SASH1: variants seen among roughly 807,000 people sequenced by gnomAD.
SASH1 encodes SAM and SH3 domain-containing protein 1.
In SASH1, 44 loss-of-function variants were observed where a neutral mutation model predicts 125.2. That is an observed-to-expected ratio of 0.35 (90% CI 0.28 to 0.45). The LOEUF (loss-of-function observed/expected upper bound fraction) is 0.45. Among genes scored for constraint, SASH1 ranks in the 20% least tolerant of loss-of-function variants. The pLI is 1.00. For synonymous variants in SASH1, 639 were observed against 649.1 expected (o/e 0.98, Z 0.24); for missense variants, 1,426 against 1,614.5 (o/e 0.88, Z 2.00).
chr6:148,357,135 G>C (rs145747297), intron 1 of SASH1, among the ~76,000 whole-genome samples: 1 of 152,182 alleles, frequency 6.6e-6, no homozygotes, highest in African/African-American at 2.4e-5. Context: ...TCTGTGGGTT[G>C]TCTGTTTACT....
chr6:148,543,794 G>A lies in SASH1; in HGVS notation c.2324G>A (p.Gly775Glu), dbSNP rs1782370318. The A allele has an allele frequency of 1.2e-6, 2 of 1,614,090 alleles. No homozygotes were observed. Among genetic ancestry groups the A allele is most frequent in the African/African-American group, 1.3e-5 (1 of 75,024 alleles). Residue 775 changes from glycine to glutamate, a missense_variant, in exon 18 of 20, where the codon GGG becomes GAG. Physicochemically the swap from Gly to Glu is moderately conservative, Grantham distance 98 (BLOSUM62 -2). This residue lies in a region of SASH1 where 634 missense variants were observed against 694.4 expected (regional missense o/e 0.91). Transcript: ENST00000367467. ...NYPTLPLMKS[G>E]DALKQGQEEG... ...CCAACATTGCCTTTAATGAAATCAGGGGATGCACTGAAGCAGGGACAGGAG... is the reference window on the plus strand; with the variant it reads ...CCAACATTGCCTTTAATGAAATCAGAGGATGCACTGAAGCAGGGACAGGAG...
intron 1 of SASH1, among the ~76,000 whole-genome samples, chr6:148,301,183 G>A (rs184688342): frequency 1.3e-4 from 19 of 151,674 alleles, no homozygotes; most frequent in Admixed American, 6.6e-5. Context: ...AAAATTAGCC[G>A]GGAGTGGTGG....
intron 2 of SASH1, among the ~76,000 whole-genome samples, chr6:148,407,192 C>T (rs1353031081): frequency 1.3e-5 from 2 of 152,152 alleles, no homozygotes; most frequent in Non-Finnish European, 2.9e-5. Flanking sequence ...GAGCTCTTTC[C>T]GTCCTGCAAA....
chr6:148,331,465 G>A (rs1423329698), intron 1 of SASH1, among the ~76,000 whole-genome samples: 1 of 152,082 alleles, frequency 6.6e-6, no homozygotes, highest in Non-Finnish European at 1.5e-5. Flanking sequence ...AAGTGGCTGG[G>A]ATTACAGGTT....
intron 2 of SASH1, among the ~76,000 whole-genome samples, chr6:148,427,307 C>T (rs761212278): frequency 2.0e-5 from 3 of 152,044 alleles, no homozygotes; most frequent in Non-Finnish European, 2.9e-5. Flanking sequence ...TATGCCAAGT[C>T]CTGCTAGTAG....
At position 148,409,848 on chromosome 6, in the gene SASH1, C is replaced by T. The variant is rs898459723; in HGVS notation, c.285+19586C>T. ...ACTCGGAAGGCTGAGTCAGGCAAATCGCTTGAACTGGGGAGGCAGAGGCGA... is the reference window on the plus strand; with the variant it reads ...ACTCGGAAGGCTGAGTCAGGCAAATTGCTTGAACTGGGGAGGCAGAGGCGA... On this transcript the variant is annotated intron_variant, in intron 2 of 19. Coordinates refer to ENST00000367467, the MANE Select transcript of SASH1 (RefSeq NM_015278.5). 7.9e-5 allele frequency among the ~76,000 whole-genome samples: 12 copies of T among 151,924 alleles called. No homozygotes were observed. In the South Asian group the frequency reaches 1.5e-3, roughly 18 times the overall value.
intron 1 of SASH1, among the ~76,000 whole-genome samples, chr6:148,381,079 T>A (rs1177474394): frequency 1.3e-5 from 2 of 152,172 alleles, no homozygotes; most frequent in African/African-American, 4.8e-5. Context: ...AGTTTCTTCA[T>A]CATACGTGAA....
chr6:148,487,918 GT>G (rs1383262363), intron 8 of SASH1, among the ~76,000 whole-genome samples: 7,327 of 135,754 alleles, frequency 0.054, 190 homozygotes, highest in African/African-American at 0.086. Flanking sequence ...CTGGGGTTTT[GT>G]TTTTTTTTTT....
rs1782394368 is a variant in SASH1, at chr6:148,544,094, C to T, written c.2624C>T (p.Ser875Phe). The change falls in exon 18 of 20, where the codon TCT (serine) becomes TTT (phenylalanine). Residue 875 changes from serine (S) to phenylalanine (F), a missense_variant. This residue lies in a region of SASH1 where 634 missense variants were observed against 694.4 expected (regional missense o/e 0.91). Transcript: ENST00000367467. This position sits in a 1 kb window ranked among gnomAD's most constrained non-coding sequence, Gnocchi z 6.4. ...VPEVPQKTTA[S>F]STKAQPLEQD... ...GAAGTGCCACAGAAGACGACCGCCTCTTCCACGAAGGCCCAGCCCCTGGAG... is the reference window on the plus strand; with the variant it reads ...GAAGTGCCACAGAAGACGACCGCCTTTTCCACGAAGGCCCAGCCCCTGGAG... 6.2e-7 allele frequency: 1 copy of T among 1,614,118 alleles called. No homozygotes were observed. The highest frequency in any genetic ancestry group is 1.3e-5 in the African/African-American group (1 of 75,036).
chr6:148,324,402 G>A (rs772250017), intron 1 of SASH1, among the ~76,000 whole-genome samples: 3 of 152,102 alleles, frequency 2.0e-5, no homozygotes, highest in Admixed American at 6.5e-5. Context: ...CCACATCTGT[G>A]TTCCCTGCCT....
intron 1 of SASH1, among the ~76,000 whole-genome samples, chr6:148,345,820 T>A (rs6934632): frequency 6.6e-6 from 1 of 152,096 alleles, no homozygotes; most frequent in East Asian, 1.9e-4. Context: ...GACTTGTCCC[T>A]GGTCGCTGGC....
Position 148,533,005 on chromosome 6 carries a change from C to T in SASH1, c.1734+39C>T. 2 of 1,603,092 alleles carry T rather than the reference C, an allele frequency of 1.2e-6. No homozygotes were observed. The highest frequency in any genetic ancestry group is 1.7e-6 in the Non-Finnish European group (2 of 1,171,030). ...TGGCCTCAGAGCAGCTAACTGGGCT[C>T]TTCCATTTCTCTAGGAGGCTTTCTT... is the stretch of plus-strand genomic sequence containing the variant. On this transcript the variant is annotated intron_variant, in intron 14 of 19. Transcript: ENST00000367467. This position sits in a 1 kb window ranked among gnomAD's most constrained non-coding sequence, Gnocchi z 6.2.
chr6:148,358,731 T>TTG (rs1478645746), intron 1 of SASH1, among the ~76,000 whole-genome samples: 1 of 124,792 alleles, frequency 8.0e-6, no homozygotes, highest in Non-Finnish European at 1.7e-5. Flanking sequence ...TGCCATGTTT[T>TTG]TGTTTTTTTT....
At chr6:148,487,992 G>T (rs1051323124) in intron 8 of SASH1, among the ~76,000 whole-genome samples, 1 of 151,378 alleles carries the variant, frequency 6.6e-6, no homozygotes. Flanking sequence ...AAAGTGTTCA[G>T]TGATACTGGT....
intron 2 of SASH1, among the ~76,000 whole-genome samples, chr6:148,403,292 A>G (rs941446544): frequency 3.3e-5 from 5 of 151,848 alleles, no homozygotes; most frequent in Non-Finnish European, 7.4e-5. Context: ...ATTTTAAGAG[A>G]TGGGGTCTCA....
At chr6:148,396,088 C>G (rs1394898372) in intron 2 of SASH1, among the ~76,000 whole-genome samples, 1 of 152,044 alleles carries the variant, frequency 6.6e-6, no homozygotes, top group Non-Finnish European at 1.5e-5. Context: ...TTTGTGAATA[C>G]AAGGAAAAGG....
At position 148,533,918 on chromosome 6, in the gene SASH1, C is replaced by A. The variant is rs1002112949; in HGVS notation, c.1882C>A (p.Arg628=). ...ACCCAAACGCCCCACCAGGAGGCGT[C>A]GGAAAGGACGACCACCCCAGCCCAA... ...EKPKRPTRRR[R]KGRPPQPKSV... Residue 628 remains arginine, a synonymous_variant, in exon 15 of 20, where the codon CGG becomes AGG. Coordinates refer to ENST00000367467, the MANE Select transcript of SASH1 (RefSeq NM_015278.5). The surrounding 1 kb of genome is among the most constrained non-coding windows in gnomAD (Gnocchi z 6.2). 2 of 1,613,998 alleles carry A rather than the reference C, an allele frequency of 1.2e-6. No homozygotes were observed. Among genetic ancestry groups the A allele is most frequent in the South Asian group, 2.2e-5 (2 of 91,060 alleles).
intron 16 of SASH1, among the ~76,000 whole-genome samples, chr6:148,537,824 G>GTGTGTGTGTGTGTT (rs1781951670): frequency 7.4e-6 from 1 of 135,570 alleles, no homozygotes; most frequent in Non-Finnish European, 1.6e-5. Context: ...GTGTGTGTGT[G>GTGTGTGTGTGTGTT]TGTGTGTGGT....
At chr6:148,228,579 G>T in the SASH1 span, among the ~76,000 whole-genome samples, 1 of 152,308 alleles carries the variant, frequency 6.6e-6, no homozygotes, top group Admixed American at 6.5e-5. Flanking sequence ...TTGTCAAATG[G>T]ATTTGGGGAG....
Sources: gnomAD v4.1 joint callset for allele counts (sites outside exome capture counted in the v4.1 genomes callset) on GRCh38, gnomAD v4.1.1 for gene constraint, gnomAD v4.1.1 regional missense constraint, Gnocchi (gnomAD v3.1) non-coding constraint, MANE v1.5 for transcripts, NCBI Gene and HGNC (gene_info 2026-07-23, HGNC 2026-07-21) for gene names.